The following DOK5 variants were observed in gnomAD, a reference collection of about 807,000 sequenced individuals.
DOK5 encodes the protein downstream of tyrosine kinase 5.
Under a neutral mutation model 43.3 loss-of-function variants are expected in DOK5, and 27 were observed. The observed-to-expected ratio is 0.62, with a 90% CI of 0.46 to 0.86. The LOEUF (loss-of-function observed/expected upper bound fraction) is 0.86. Ranked by LOEUF, DOK5 falls within the 40% of genes least tolerant of loss-of-function variation. The probability of loss-of-function intolerance (pLI) is 0.00; values close to 1 mark genes in which losing one functional copy is unlikely to be tolerated. For missense variants in DOK5, 373 were observed against 392.9 expected (o/e 0.95, Z 0.43); for synonymous variants, 146 against 140.1 (o/e 1.04, Z -0.30).
Position 54,505,633 on chromosome 20 carries a change from T to C in DOK5, c.66+29621T>C, listed in dbSNP as rs6014040. Among the ~76,000 whole-genome samples, 29 of 151,138 alleles carry C rather than the reference T, an allele frequency of 1.9e-4. 1 individual carries two copies. The highest frequency in any genetic ancestry group is 7.1e-4 in the African/African-American group (29 of 40,914). On this transcript the variant is annotated intron_variant, in intron 1 of 7. Coordinates refer to ENST00000262593, the MANE Select transcript of DOK5 (RefSeq NM_018431.5). Reference sequence around the variant, plus strand: ...TGATTTAGTGGTATGGAGGGGGAAATGCAGGAAATAAAGAGAAAGAGAGAG... The same window carrying C: ...TGATTTAGTGGTATGGAGGGGGAAACGCAGGAAATAAAGAGAAAGAGAGAG...
intron 1 of DOK5, among the ~76,000 whole-genome samples, chr20:54,516,506 G>A (rs1983202173): frequency 6.6e-6 from 1 of 152,110 alleles, no homozygotes; most frequent in African/African-American, 2.4e-5. Flanking sequence ...AGGGCATTTT[G>A]CCTTCCTTGG....
At chr20:54,563,784 T>C (rs1404923352) in intron 2 of DOK5, among the ~76,000 whole-genome samples, 3 of 151,690 alleles carry the variant, frequency 2.0e-5, no homozygotes, top group Non-Finnish European at 4.4e-5. Flanking sequence ...GAAGCAAAGA[T>C]CTTTTAGTTG....
intron 1 of DOK5, among the ~76,000 whole-genome samples, chr20:54,546,477 C>G (rs945530750): frequency 6.6e-6 from 1 of 151,444 alleles, no homozygotes; most frequent in South Asian, 2.1e-4. Flanking sequence ...TATACATGTG[C>G]CATGTTGGTG....
At chr20:54,611,415 G>C in intron 6 of DOK5, among the ~76,000 whole-genome samples, 1 of 152,044 alleles carries the variant, frequency 6.6e-6, no homozygotes, top group East Asian at 1.9e-4. Flanking sequence ...ACAAAAATTA[G>C]CCAGGTGTGG....
intron 1 of DOK5, among the ~76,000 whole-genome samples, chr20:54,497,651 T>C (rs1218553695): frequency 9.2e-5 from 14 of 152,154 alleles, no homozygotes; most frequent in Admixed American, 9.2e-4. Context: ...AAAAAAGGAA[T>C]TCTGGCACAA....
chr20:54,627,482 T>C (rs1179370193), intron 6 of DOK5, among the ~76,000 whole-genome samples: 2 of 152,148 alleles, frequency 1.3e-5, no homozygotes, highest in Non-Finnish European at 2.9e-5. Flanking sequence ...TTTAGTTAAG[T>C]AGAAAGTCAG....
intron 1 of DOK5, among the ~76,000 whole-genome samples, chr20:54,501,490 A>G (rs1024756381): frequency 1.8e-4 from 26 of 145,562 alleles, no homozygotes; most frequent in South Asian, 1.0e-3. Context: ...AAAAAAAAAA[A>G]AAGAAGAAAA....
At chr20:54,581,695 G>T (rs1481247855) in intron 2 of DOK5, among the ~76,000 whole-genome samples, 3 of 151,814 alleles carry the variant, frequency 2.0e-5, no homozygotes, top group African/African-American at 7.2e-5. Context: ...ATTGTTTATT[G>T]TTAGTGTATA....
At chr20:54,641,504 A>G (rs1417501003) in intron 6 of DOK5, among the ~76,000 whole-genome samples, 1 of 151,062 alleles carries the variant, frequency 6.6e-6, no homozygotes, top group Non-Finnish European at 1.5e-5. Context: ...AATTTTTAAA[A>G]AAAAAATCCT....
At chr20:54,572,309 C>T (rs547184022) in intron 2 of DOK5, among the ~76,000 whole-genome samples, 30 of 152,070 alleles carry the variant, frequency 2.0e-4, no homozygotes, top group Admixed American at 1.6e-3. Flanking sequence ...TACAGGTACT[C>T]GCCACCACGC....
intron 1 of DOK5, among the ~76,000 whole-genome samples, chr20:54,513,281 C>T (rs1222642545): frequency 6.6e-6 from 1 of 151,978 alleles, no homozygotes; most frequent in Non-Finnish European, 1.5e-5. Flanking sequence ...AAACATTGTT[C>T]ATAGTAGTTA....
intron 7 of DOK5, among the ~76,000 whole-genome samples, chr20:54,645,085 G>A (rs1330851645): frequency 7.4e-6 from 1 of 134,684 alleles, no homozygotes; most frequent in East Asian, 2.4e-4. Flanking sequence ...TCGGCTCACT[G>A]CAAGTTCCGC....
At chr20:54,494,763 C>T (rs1467294739) in intron 1 of DOK5, 1 of 150,268 alleles carries the variant, frequency 6.7e-6, no homozygotes, top group Non-Finnish European at 1.5e-5. Context: ...GAGAGTACAT[C>T]ACAGCTGACC....
At position 54,591,739 on chromosome 20, in the gene DOK5, C is replaced by A. The variant is rs1985982984; in HGVS notation, c.533C>A (p.Ser178Tyr). ...CAGAATCCCAGAGTCAAACTCATCT[C>A]TTGGCCGCTAAGCGCCCTGCGGCGG... ...DVQNPRVKLI[S>Y]WPLSALRRYG... The change falls in exon 5 of 8, where the codon TCT becomes TAT. Residue 178 changes from serine to tyrosine, a missense_variant. Physicochemically the swap from Ser to Tyr is moderately radical, Grantham distance 144 (BLOSUM62 -2). Coordinates refer to ENST00000262593, the MANE Select transcript of DOK5 (RefSeq NM_018431.5). The A allele has an allele frequency of 6.2e-7, 1 of 1,614,120 alleles. No homozygotes were observed. The highest frequency in any genetic ancestry group is 8.5e-7 in the Non-Finnish European group (1 of 1,180,050).
intron 1 of DOK5, among the ~76,000 whole-genome samples, chr20:54,531,015 A>G (rs1983753710): frequency 6.6e-6 from 1 of 152,122 alleles, no homozygotes; most frequent in Non-Finnish European, 1.5e-5. Context: ...TGTTATGAAG[A>G]GCTTGAGGCA....
chr20:54,518,036 C>CA (rs1255137596), intron 1 of DOK5, among the ~76,000 whole-genome samples: 1 of 152,170 alleles, frequency 6.6e-6, no homozygotes, highest in Non-Finnish European at 1.5e-5. Context: ...TTCCTTCTTG[C>CA]CAGTACTGTG....
chr20:54,546,580 G>A (rs1443509066), intron 1 of DOK5, among the ~76,000 whole-genome samples: 2 of 149,202 alleles, frequency 1.3e-5, no homozygotes, highest in Non-Finnish European at 3.0e-5. Context: ...CCCAGTGTGT[G>A]ATGTTCCCCA....
chr20:54,631,909 T>G (rs1036937616), intron 6 of DOK5, among the ~76,000 whole-genome samples: 2 of 151,778 alleles, frequency 1.3e-5, no homozygotes, highest in African/African-American at 4.8e-5. Flanking sequence ...GAGGCAGAGG[T>G]TGCAGTGAGC....
chr20:54,498,679 C>A (rs1186527787), intron 1 of DOK5, among the ~76,000 whole-genome samples: 2 of 152,110 alleles, frequency 1.3e-5, no homozygotes. Flanking sequence ...TTAAGGGCCA[C>A]GATCCTGGTG....
Sources: gnomAD v4.1 joint callset for allele counts (sites outside exome capture counted in the v4.1 genomes callset) on GRCh38, gnomAD v4.1.1 for gene constraint, MANE v1.5 for transcripts, NCBI Gene and HGNC (gene_info 2026-07-23, HGNC 2026-07-21) for gene names.